The following ANO1 variants were observed in gnomAD, a reference collection of about 807,000 sequenced individuals.
ANO1 encodes the protein anoctamin 1.
A neutral mutation model predicts 124.0 loss-of-function variants in ANO1; 59 were observed. The observed-to-expected ratio is 0.48, with a 90% CI of 0.39 to 0.59. The LOEUF (loss-of-function observed/expected upper bound fraction) is 0.59. Among genes scored for constraint, ANO1 ranks in the 20% least tolerant of loss-of-function variants. The pLI is 0.00. For synonymous variants in ANO1, 529 were observed against 532.0 expected, an observed-to-expected ratio of 0.99 and a Z score of 0.08; for missense variants, 1,059 against 1,328.0, an observed-to-expected ratio of 0.80 and a Z score of 3.15.
chr11:70,139,549 C>G (rs562894864), intron 11 of ANO1, among the ~76,000 whole-genome samples: 5 of 152,156 alleles, frequency 3.3e-5, no homozygotes, highest in Admixed American at 2.0e-4. Flanking sequence ...GTCTTGAACT[C>G]CTGACCTCAG....
Position 70,078,549 on chromosome 11 carries a change from C to A in ANO1, c.-58C>A. 7.8e-7 allele frequency: 1 copy of A among 1,275,438 alleles called. No homozygotes were observed. The highest frequency in any genetic ancestry group is 1.4e-5 in the South Asian group (1 of 70,602). 79.0% of individuals were successfully genotyped at this position (1,275,438 alleles called of 1,614,324 possible). The stretch of plus-strand genomic sequence containing the variant: ...TGCGGTCTCCGCCCGCAGAGGCCGC[C>A]GGGGCCGTGGATGGGGAGGGCGCGC... On this transcript the variant is annotated 5_prime_UTR_variant, in exon 1 of 26. Transcript: ENST00000355303.
intron 1 of ANO1, among the ~76,000 whole-genome samples, chr11:70,005,377 G>A (rs1712193506): frequency 6.6e-6 from 1 of 152,196 alleles, no homozygotes; most frequent in Admixed American, 6.5e-5. Flanking sequence ...TTCTCTGCCA[G>A]CTTCAGAACC....
At chr11:70,116,411 A>G in intron 7 of ANO1, 47 bp from the exon 8 acceptor site, 1 of 1,559,800 alleles carries the variant, frequency 6.4e-7, no homozygotes, top group South Asian at 1.2e-5. Flanking sequence ...AGCGCCTCCA[A>G]AGCTCCATTG....
At chr11:70,083,098 C>G (rs1159075242) in intron 1 of ANO1, among the ~76,000 whole-genome samples, 1 of 152,144 alleles carries the variant, frequency 6.6e-6, no homozygotes, top group Non-Finnish European at 1.5e-5. Flanking sequence ...GGCACTGCTA[C>G]CATCTTTCAC....
rs78253689 is a variant in ANO1 at position 70,036,265 on chromosome 11, C to T, written c.59-42277C>T. 7.5e-3 allele frequency among the ~76,000 whole-genome samples: 1,142 copies of T among 152,328 alleles called. 7 individuals are homozygous for T. Among genetic ancestry groups the T allele is most frequent in the Middle Eastern group, 0.014 (4 of 294 alleles). On this transcript the variant is annotated intron_variant, in intron 1 of 27. Coordinates refer to the ANO1 transcript ENST00000531349. Reference sequence around the variant, plus strand: ...TAAGGCACATCACCCCAATCTCTGCCGCTGTCTTTACCTGGCCTTTTCCTC... The same window carrying T: ...TAAGGCACATCACCCCAATCTCTGCTGCTGTCTTTACCTGGCCTTTTCCTC...
intron 1 of ANO1, chr11:70,085,603 C>A (rs1432707309): frequency 6.5e-7 from 1 of 1,535,512 alleles, no homozygotes; most frequent in East Asian, 2.4e-5. Context: ...GTGCCAGGGA[C>A]ATGGCCCCAA....
chr11:70,091,058 G>C (rs1380774582), intron 2 of ANO1, among the ~76,000 whole-genome samples: 1 of 152,216 alleles, frequency 6.6e-6, no homozygotes, highest in African/African-American at 2.4e-5. Flanking sequence ...CTGGAGAGGG[G>C]CAGAGCCAGA....
At chr11:70,173,765 C>T (rs190980090) in intron 22 of ANO1, among the ~76,000 whole-genome samples, 37 of 152,198 alleles carry the variant, frequency 2.4e-4, no homozygotes, top group Non-Finnish European at 4.4e-4. Flanking sequence ...GTGAAAAAGG[C>T]CAGGGCCGGG....
At chr11:70,133,662 C>T (rs1415609764) in intron 11 of ANO1, among the ~76,000 whole-genome samples, 2 of 152,232 alleles carry the variant, frequency 1.3e-5, no homozygotes, top group Admixed American at 6.5e-5. Flanking sequence ...GCATTCGGGG[C>T]TGGTGTTCTC....
chr11:70,100,151 G>A (rs1438062322), intron 2 of ANO1, among the ~76,000 whole-genome samples: 2 of 152,240 alleles, frequency 1.3e-5, no homozygotes, highest in Non-Finnish European at 2.9e-5. Flanking sequence ...TCCTGGGTCC[G>A]TGCTCCTGCA....
At chr11:70,031,227 G>A (rs1044749549) in intron 1 of ANO1, among the ~76,000 whole-genome samples, 1 of 152,182 alleles carries the variant, frequency 6.6e-6, no homozygotes, top group Non-Finnish European at 1.5e-5. Context: ...TGACAGGTGT[G>A]AGCCACTGAT....
intron 1 of ANO1, among the ~76,000 whole-genome samples, chr11:70,040,211 T>C (rs1351206943): frequency 6.6e-6 from 1 of 151,874 alleles, no homozygotes; most frequent in Non-Finnish European, 1.5e-5. Flanking sequence ...ATATGGAAGA[T>C]TTGTGTGAGC....
At chr11:70,106,099 G>A (rs953519201) in intron 5 of ANO1, among the ~76,000 whole-genome samples, 9 of 152,146 alleles carry the variant, frequency 5.9e-5, no homozygotes, top group African/African-American at 9.7e-5. Context: ...TCTCAGAGCC[G>A]CCTCGTGGTG....
intron 1 of ANO1, among the ~76,000 whole-genome samples, chr11:70,084,428 G>A (rs1394366351): frequency 1.3e-5 from 2 of 152,178 alleles, no homozygotes; most frequent in Non-Finnish European, 2.9e-5. Flanking sequence ...CCCAGAATTA[G>A]ATGGAGCGTC....
At chr11:70,129,693 G>A (rs2515269) in intron 10 of ANO1, 2 of 150,168 alleles carry the variant, frequency 1.3e-5, no homozygotes, top group Admixed American at 6.6e-5. Flanking sequence ...GTGTGATCTC[G>A]ACTCAATGCA....
exon 1 of ANO1, chr11:69,986,065 C>T (rs1554996830): frequency 1.3e-5 from 2 of 152,256 alleles, no homozygotes; most frequent in African/African-American, 2.4e-5. Context: ...CTAGTCTGGA[C>T]TCGCTAGGTC....
intron 8 of ANO1, among the ~76,000 whole-genome samples, chr11:70,122,684 C>T (rs1427521265): frequency 6.6e-6 from 1 of 151,288 alleles, no homozygotes; most frequent in Non-Finnish European, 1.5e-5. Context: ...CTCTCTCTCC[C>T]TCTCCCCTAC....
At chr11:70,067,594 T>C (rs761645608) in intron 1 of ANO1, among the ~76,000 whole-genome samples, 16 of 152,024 alleles carry the variant, frequency 1.1e-4, no homozygotes, top group Non-Finnish European at 2.1e-4. Flanking sequence ...TCCCAAAGAG[T>C]TGGGATTACA....
At chr11:69,984,704 T>C (rs1333058516), upstream of ANO1, among the ~76,000 whole-genome samples, 5 of 152,128 alleles carry the variant, frequency 3.3e-5, no homozygotes, top group African/African-American at 1.2e-4. Flanking sequence ...TAGCCGGGTC[T>C]GTCTCCCTCA....
Sources: gnomAD v4.1 joint callset for allele counts (sites outside exome capture counted in the v4.1 genomes callset) on GRCh38, gnomAD v4.1.1 for gene constraint, MANE v1.5 for transcripts, NCBI Gene and HGNC (gene_info 2026-07-23, HGNC 2026-07-21) for gene names.